The following DIAPH3 variants were observed in gnomAD, a reference collection of about 807,000 sequenced individuals.
DIAPH3 encodes diaphanous related formin 3.
Under a neutral mutation model 144.3 loss-of-function variants are expected in DIAPH3, and 117 were observed. The observed-to-expected ratio is 0.81, with a 90% CI of 0.70 to 0.95. The LOEUF is 0.95. Among genes scored for constraint, DIAPH3 ranks in the 40% least tolerant of loss-of-function variants. The pLI is 0.00. For synonymous variants in DIAPH3, 519 were observed against 488.9 expected (o/e 1.06, Z -0.81); for missense variants, 1,421 against 1,412.7 (o/e 1.01, Z -0.09).
intron 27 of DIAPH3, among the ~76,000 whole-genome samples, chr13:59,734,046 G>C (rs76073707): frequency 0.032 from 4,861 of 152,210 alleles, 280 homozygotes; most frequent in African/African-American, 0.11. Context: ...TTATAATTAG[G>C]CATGATATCA....
At chr13:59,984,176 T>G (rs981675086) in intron 12 of DIAPH3, among the ~76,000 whole-genome samples, 2 of 151,712 alleles carry the variant, frequency 1.3e-5, no homozygotes, top group Non-Finnish European at 3.0e-5. Context: ...GAAAGTGAAG[T>G]GATAAGTGCT....
chr13:59,952,857 A>T (rs1384154594), intron 17 of DIAPH3, among the ~76,000 whole-genome samples: 1 of 152,214 alleles, frequency 6.6e-6, no homozygotes, highest in Non-Finnish European at 1.5e-5. Context: ...TCATTTATCC[A>T]GCAAACATTC....
intron 4 of DIAPH3, among the ~76,000 whole-genome samples, chr13:60,075,240 T>C (rs918541269): frequency 6.6e-6 from 1 of 152,208 alleles, no homozygotes; most frequent in Admixed American, 6.5e-5. Flanking sequence ...CTTGGGCAAA[T>C]TGCCTATTGA....
chr13:60,042,165 TA>T (rs1566701225), intron 5 of DIAPH3, among the ~76,000 whole-genome samples: 2 of 152,122 alleles, frequency 1.3e-5, no homozygotes, highest in Non-Finnish European at 2.9e-5. Context: ...TCAGATAAAA[TA>T]CAGGATACAA....
intron 1 of DIAPH3, among the ~76,000 whole-genome samples, chr13:60,147,613 C>T (rs1204459326): frequency 6.6e-6 from 1 of 152,192 alleles, no homozygotes; most frequent in Non-Finnish European, 1.5e-5. Context: ...ACCAAACCAG[C>T]ACAGAGCAAA....
chr13:59,950,480 A>G (rs1412838781), intron 17 of DIAPH3, among the ~76,000 whole-genome samples: 1 of 152,194 alleles, frequency 6.6e-6, no homozygotes, highest in Non-Finnish European at 1.5e-5. Flanking sequence ...AGTAGGCAGA[A>G]GACATAGTTC....
At chr13:60,008,310 G>A (rs1344184797) in intron 9 of DIAPH3, among the ~76,000 whole-genome samples, 1 of 152,100 alleles carries the variant, frequency 6.6e-6, no homozygotes, top group African/African-American at 2.4e-5. Context: ...GCAGAAGAAT[G>A]GTGTGAACCC....
intron 25 of DIAPH3, among the ~76,000 whole-genome samples, chr13:59,805,502 C>G (rs1290337011): frequency 6.6e-6 from 1 of 151,850 alleles, no homozygotes; most frequent in Non-Finnish European, 1.5e-5. Flanking sequence ...TGAATAGGTA[C>G]TTTTTAAATT....
At position 59,951,617 on chromosome 13, in the gene DIAPH3, C is replaced by A. The variant is rs560847485; in HGVS notation, c.2074+18327G>T. ...CTATTTTGATCTTCATATTTCCCTA[C>A]TTAAAGACTTTATTAGTTTCTATAA... is the stretch of plus-strand genomic sequence containing the variant. On this transcript the variant is annotated intron_variant, in intron 17 of 27. Transcript: ENST00000400324. Among the ~76,000 whole-genome samples, 7 of 152,032 alleles carry A rather than the reference C, an allele frequency of 4.6e-5. No homozygotes were observed. The East Asian group carries it at 1.4e-3, about 30-fold the overall frequency.
chr13:59,889,909 G>A (rs1488450309), intron 20 of DIAPH3, among the ~76,000 whole-genome samples: 8 of 152,096 alleles, frequency 5.3e-5, no homozygotes, highest in African/African-American at 7.2e-5. Context: ...TCATCAAGAC[G>A]TGCTATAGGT....
intron 27 of DIAPH3, among the ~76,000 whole-genome samples, chr13:59,694,238 C>G (rs1048386561): frequency 1.3e-5 from 2 of 152,016 alleles, no homozygotes; most frequent in Non-Finnish European, 2.9e-5. Flanking sequence ...GTGTATGACT[C>G]CAACCATCAC....
intron 4 of DIAPH3, among the ~76,000 whole-genome samples, chr13:60,072,210 C>T (rs2057235810): frequency 6.6e-6 from 1 of 152,188 alleles, no homozygotes; most frequent in African/African-American, 2.4e-5. Flanking sequence ...TGTTTTCCTA[C>T]CTGAACTGCC....
At chr13:59,983,196 T>C (rs2051141063) in intron 13 of DIAPH3, among the ~76,000 whole-genome samples, 3 of 121,236 alleles carry the variant, frequency 2.5e-5, no homozygotes, top group Non-Finnish European at 3.5e-5. Flanking sequence ...GTATGAGTCA[T>C]TCCAAGTTTA....
chr13:60,018,217 T>A (rs1159172268), intron 5 of DIAPH3, among the ~76,000 whole-genome samples: 1 of 152,184 alleles, frequency 6.6e-6, no homozygotes, highest in Admixed American at 6.5e-5. Context: ...CCAATATAAA[T>A]GGTTTCAGAT....
At chr13:59,948,419 T>C (rs914486054) in intron 17 of DIAPH3, among the ~76,000 whole-genome samples, 1 of 152,188 alleles carries the variant, frequency 6.6e-6, no homozygotes, top group Non-Finnish European at 1.5e-5. Context: ...CTAGTCCCTG[T>C]ACGTCTACCT....
chr13:59,780,118 C>A (rs1187748111), intron 25 of DIAPH3, among the ~76,000 whole-genome samples: 1 of 151,708 alleles, frequency 6.6e-6, no homozygotes, highest in East Asian at 1.9e-4. Flanking sequence ...AAGACCCATG[C>A]ATATGGTACT....
chr13:59,975,512 C>T (rs563161854), intron 14 of DIAPH3, among the ~76,000 whole-genome samples: 9 of 151,986 alleles, frequency 5.9e-5, no homozygotes, highest in Admixed American at 3.9e-4. Flanking sequence ...TAATGCTTTA[C>T]GGTTTTACTT....
intron 8 of DIAPH3, 42 bp downstream of exon 8, chr13:60,010,491 T>C: frequency 2.0e-6 from 3 of 1,502,414 alleles, no homozygotes; most frequent in East Asian, 4.9e-5. Flanking sequence ...CAATCTGTAT[T>C]AAATTATTAT....
intron 25 of DIAPH3, among the ~76,000 whole-genome samples, chr13:59,802,667 ATTTTTT>A (rs71089516): frequency 1.3e-4 from 3 of 23,758 alleles, no homozygotes; most frequent in Non-Finnish European, 2.2e-4. Flanking sequence ...TATTATTATT[ATTTTTT>A]TTTTTTTTTT....
Sources: gnomAD v4.1 joint callset for allele counts (sites outside exome capture counted in the v4.1 genomes callset) on GRCh38, gnomAD v4.1.1 for gene constraint, MANE v1.5 for transcripts, NCBI Gene and HGNC (gene_info 2026-07-23, HGNC 2026-07-21) for gene names.